Variants in CD99L2 observed in about 807,000 individuals in gnomAD.
The protein encoded by CD99L2 is CD99 antigen-like protein 2.
CD99L2 carries 24 observed loss-of-function variants against 27.3 expected under a neutral mutation model. That is an observed-to-expected ratio of 0.88 (90% CI 0.64 to 1.24). The LOEUF is 1.24. CD99L2 is among the 50% of genes most tolerant of loss of function. The probability of loss-of-function intolerance (pLI) is 0.00; values close to 1 mark genes in which losing one functional copy is unlikely to be tolerated. For missense variants in CD99L2, 255 were observed against 221.6 expected (o/e 1.15, Z -0.96); for synonymous variants, 97 against 87.9 (o/e 1.10, Z -0.58).
At chrX:150,772,051 T>C (rs2043466404) in intron 9 of CD99L2, among the ~76,000 whole-genome samples, 1 of 112,109 alleles carries the variant, frequency 8.9e-6, no homozygotes, top group Non-Finnish European at 1.9e-5. Context: ...TGCACCCCGG[T>C]CCCCTCTACC....
rs953303971 is a variant in CD99L2, at chrX:150,792,974, C to T, written c.496+717G>A. Among the ~76,000 whole-genome samples the T allele has an allele frequency of 7.2e-5, 8 of 111,731 alleles. No individual in the cohort carries two copies. The South Asian group carries it at 1.1e-3, about 16-fold the overall frequency. ...GTAACATGAGGGAACTTCTTTGTGG[C>T]GATGGAACAGTTCTGCCTGCTAATT... On this transcript the variant is annotated intron_variant, in intron 7 of 10. Coordinates refer to ENST00000370377, the MANE Select transcript of CD99L2 (RefSeq NM_031462.4).
chrX:150,863,137 C>T (rs1262262059), intron 1 of CD99L2, among the ~76,000 whole-genome samples: 1 of 112,164 alleles, frequency 8.9e-6, no homozygotes, highest in Non-Finnish European at 1.9e-5. Context: ...TATGCCTTTG[C>T]TACAAGTTGG....
At chrX:150,853,853 A>G (rs1336415609) in intron 1 of CD99L2, among the ~76,000 whole-genome samples, 1 of 111,953 alleles carries the variant, frequency 8.9e-6, no homozygotes, top group Non-Finnish European at 1.9e-5. Context: ...CCATTTGGCA[A>G]TCACTGCTAT....
intron 2 of CD99L2, among the ~76,000 whole-genome samples, chrX:150,818,051 C>CATAATAATTTTAAATAAAAAAAAATA (rs1557420581): frequency 7.1e-4 from 66 of 93,335 alleles, no homozygotes; most frequent in African/African-American, 1.7e-3. Flanking sequence ...AAGAGGAAGA[C>CATAATAATTTTAAATAAAAAAAAATA]ATAATAATTT....
chrX:150,799,701 C>T (rs189378514), intron 4 of CD99L2, among the ~76,000 whole-genome samples: 4 of 111,436 alleles, frequency 3.6e-5, no homozygotes, highest in African/African-American at 9.8e-5. Context: ...ATTGGGATGG[C>T]TATTATTAAA....
At chrX:150,854,870 T>G (rs185228354) in intron 1 of CD99L2, among the ~76,000 whole-genome samples, 80 of 110,841 alleles carry the variant, frequency 7.2e-4, no homozygotes, top group South Asian at 1.9e-3. Flanking sequence ...GAAACTAACA[T>G]AGCCTTCATG....
At chrX:150,817,320 G>A (rs782155319) in intron 2 of CD99L2, among the ~76,000 whole-genome samples, 65 of 110,508 alleles carry the variant, frequency 5.9e-4, no homozygotes, top group Non-Finnish European at 9.8e-4. Context: ...ATTTAATAAA[G>A]ACAATGAGCT....
At chrX:150,816,296 G>C (rs1239098788) in intron 2 of CD99L2, 7 of 404,555 alleles carry the variant, frequency 1.7e-5, no homozygotes, top group Non-Finnish European at 3.0e-5. Flanking sequence ...TGGAGGCTGA[G>C]GGTGGTGAGG....
rs201547007 is a variant in CD99L2 at position 150,777,503 on chromosome X, C to G, written c.497-21G>C. ...ATCACCTGAAGAAAAGACAAAAGCA[C>G]TTAGTGCCAGCGACCAGCCAGCTCA... On this transcript the variant is annotated intron_variant, in intron 7 of 10. Coordinates refer to ENST00000370377, the MANE Select transcript of CD99L2 (RefSeq NM_031462.4). 9.9e-6 allele frequency: 12 copies of G among 1,206,700 alleles called. No individual in the cohort carries two copies. The East Asian group carries it at 1.8e-4, about 18-fold the overall frequency.
chrX:150,889,563 C>T (rs1220560164), intron 1 of CD99L2, among the ~76,000 whole-genome samples: 7 of 112,215 alleles, frequency 6.2e-5, no homozygotes, highest in African/African-American at 2.3e-4. Context: ...AGTAATACTT[C>T]CTGTGGAGAG....
intron 7 of CD99L2, among the ~76,000 whole-genome samples, 161 bp downstream of exon 7, chrX:150,793,530 T>C (rs2045730961): frequency 8.9e-6 from 1 of 112,316 alleles, no homozygotes; most frequent in African/African-American, 3.2e-5. Context: ...AATCCCCCCC[T>C]TGAACTGCAT....
chrX:150,840,996 C>T (rs2046615273), intron 1 of CD99L2, among the ~76,000 whole-genome samples: 1 of 111,851 alleles, frequency 8.9e-6, no homozygotes, highest in Non-Finnish European at 1.9e-5. Flanking sequence ...ATTATTTCAA[C>T]ATTAAAAAAT....
chrX:150,811,984 G>A (rs1328100036), intron 4 of CD99L2, among the ~76,000 whole-genome samples: 1 of 111,309 alleles, frequency 9.0e-6, no homozygotes, highest in African/African-American at 3.3e-5. Context: ...AACATAGTGA[G>A]ACCCTATCTC....
chrX:150,816,138 C>CT, intron 2 of CD99L2, 60 bp from the exon 3 acceptor site: 1 of 1,093,192 alleles, frequency 9.1e-7, no homozygotes, highest in Non-Finnish European at 1.3e-6. Context: ...ACAGCAGCTA[C>CT]TTTATGACTT....
At chrX:150,794,235 C>G (rs1256706203) in intron 6 of CD99L2, among the ~76,000 whole-genome samples, 1 of 111,347 alleles carries the variant, frequency 9.0e-6, no homozygotes, top group Non-Finnish European at 1.9e-5. Context: ...TCCTGCTAGT[C>G]TTGAAGCAGC....
intron 1 of CD99L2, among the ~76,000 whole-genome samples, chrX:150,868,120 T>C (rs2047099981): frequency 1.0e-5 from 1 of 99,040 alleles, no homozygotes; most frequent in Non-Finnish European, 2.0e-5. Context: ...ATAATAATAA[T>C]AATAATATAT....
chrX:150,781,560 G>A (rs1603287539), intron 7 of CD99L2, among the ~76,000 whole-genome samples: 2 of 112,003 alleles, frequency 1.8e-5, no homozygotes, highest in African/African-American at 6.5e-5. Flanking sequence ...ACAATTATAT[G>A]CCAAAGAGAC....
rs782445571 is a variant in CD99L2 at position 150,812,969 on chromosome X, A to T, written c.277+1893T>A. ...TAATTACATTTACATAACATTTTTG[A>T]AATACAACTTTTTTTTTTGCCTCCC... On this transcript the variant is annotated intron_variant, in intron 4 of 10. Transcript: ENST00000370377. Among the ~76,000 whole-genome samples, 13 of 110,507 alleles carry T rather than the reference A, an allele frequency of 1.2e-4. No individual in the cohort carries two copies. In the South Asian group the frequency reaches 4.5e-3, roughly 38 times the overall value.
At chrX:150,795,537 C>T in intron 4 of CD99L2, 51 bp from the exon 5 acceptor site, 7 of 1,141,782 alleles carry the variant, frequency 6.1e-6, no homozygotes, top group Non-Finnish European at 7.2e-6. Flanking sequence ...GAACAAAATG[C>T]AGCAGCCATT....
Sources: allele counts gnomAD v4.1 joint callset (sites outside exome capture counted in the v4.1 genomes callset), GRCh38; gene constraint gnomAD v4.1.1; transcripts MANE v1.5; gene names NCBI Gene and HGNC (gene_info 2026-07-23, HGNC 2026-07-21).